Variants in THADA observed in about 807,000 individuals in gnomAD.
THADA encodes the protein THADA armadillo repeat containing, also known as tRNA (32-2'-O)-methyltransferase regulator THADA.
In THADA, 213 loss-of-function variants were observed where a neutral mutation model predicts 219.8. The observed-to-expected ratio is 0.97, with a 90% CI of 0.87 to 1.09. THADA has a LOEUF of 1.09. Ranked by LOEUF, THADA falls within the 50% of genes least tolerant of loss-of-function variation. The probability of loss-of-function intolerance (pLI) is 0.00; values close to 1 mark genes in which losing one functional copy is unlikely to be tolerated. For missense variants in THADA, 2,956 were observed against 2,311.3 expected (o/e 1.28, Z -5.72); for synonymous variants, 1,018 against 828.9 (o/e 1.23, Z -3.92).
At position 43,574,641 on chromosome 2, in the gene THADA, T is replaced by C. The variant is rs925305767; in HGVS notation, c.1424A>G (p.Lys475Arg). 2 of 1,613,856 alleles carry C rather than the reference T, an allele frequency of 1.2e-6. No individual in the cohort carries two copies. Among genetic ancestry groups the C allele is most frequent in the African/African-American group, 2.7e-5 (2 of 74,924 alleles). Residue 475 changes from lysine to arginine, a missense_variant, in exon 11 of 38, where the codon AAA (lysine) becomes AGA (arginine). By Grantham distance (26) the Lys-to-Arg change is conservative. Transcript: ENST00000405975. ...IGVEHILAIDKTIPSQILEVM... is the reference protein window; with the variant it reads ...IGVEHILAIDRTIPSQILEVM... ...CTCTAAGATTTGAGATGGAATAGTT[T>C]TATCTATAGCCAAAATATGTTCAAC...
rs1221241450 is a variant in THADA at position 43,570,577 on chromosome 2, C to G, written c.2065-67G>C. The G allele has an allele frequency of 2.0e-6, 3 of 1,501,252 alleles. No individual in the cohort carries two copies. In the African/African-American group the frequency reaches 4.2e-5, roughly 21 times the overall value. 93.0% of individuals were successfully genotyped at this position (1,501,252 alleles called of 1,614,324 possible). A position where few individuals can be genotyped will look rare whatever the true frequency, so the allele number is the denominator to read the frequency against. ...TAAATTTAAATGTCAGCCTGAGAGG[C>G]AAATTATTTAGAATAAAACTTCAGG... On this transcript the variant is annotated intron_variant, in intron 13 of 37. Coordinates refer to ENST00000405975, the MANE Select transcript of THADA (RefSeq NM_022065.5).
At chr2:43,415,981 T>C (rs1164596600) in intron 28 of THADA, among the ~76,000 whole-genome samples, 5 of 152,336 alleles carry the variant, frequency 3.3e-5, no homozygotes, top group East Asian at 1.9e-4. Flanking sequence ...GGGGGGATAA[T>C]AAATGATTGA....
intron 14 of THADA, among the ~76,000 whole-genome samples, chr2:43,567,575 C>G (rs771334898): frequency 6.6e-6 from 1 of 152,102 alleles, no homozygotes; most frequent in Non-Finnish European, 1.5e-5. Context: ...TGCAGTGAGC[C>G]AAGATCACGC....
At chr2:43,332,888 G>C (rs1218641626) in intron 30 of THADA, among the ~76,000 whole-genome samples, 1 of 152,156 alleles carries the variant, frequency 6.6e-6, no homozygotes, top group African/African-American at 2.4e-5. Context: ...TGAATTCTTG[G>C]TGTGTGTGCA....
chr2:43,533,438 ACATATGTTTAC>A (rs1156610232), intron 21 of THADA, among the ~76,000 whole-genome samples: 2 of 151,420 alleles, frequency 1.3e-5, no homozygotes, highest in African/African-American at 4.8e-5. Context: ...ACACATGCAC[ACATATGTTTAC>A]TGCAGCACCA....
intron 17 of THADA, among the ~76,000 whole-genome samples, chr2:43,555,222 C>T (rs1370776575): frequency 6.6e-6 from 1 of 151,138 alleles, no homozygotes; most frequent in East Asian, 1.9e-4. Context: ...ATAATATATA[C>T]ACCAGAGGCA....
chr2:43,438,354 A>G (rs923783749), intron 26 of THADA, among the ~76,000 whole-genome samples: 2 of 151,968 alleles, frequency 1.3e-5, no homozygotes, highest in African/African-American at 4.8e-5. Flanking sequence ...TATACCCTCA[A>G]ATTGGCAAAG....
rs141114958 is a variant in THADA, at chr2:43,440,141, C to T, written c.3837-9839G>A. Among the ~76,000 whole-genome samples the T allele has an allele frequency of 3.3e-3, 500 of 152,248 alleles. 2 individuals are homozygous for T. Among genetic ancestry groups the T allele is most frequent in the African/African-American group, 0.011 (477 of 41,554 alleles). On this transcript the variant is annotated intron_variant, in intron 26 of 37. Coordinates refer to ENST00000405975, the MANE Select transcript of THADA (RefSeq NM_022065.5). ...TTCAGCTTTCCTATTTTAAAAAATT[C>T]AGTGCATACAGGTATATACTTTTAG...
intron 34 of THADA, among the ~76,000 whole-genome samples, chr2:43,291,279 G>A (rs967122872): frequency 5.3e-5 from 8 of 151,260 alleles, no homozygotes; most frequent in Non-Finnish European, 7.4e-5. Context: ...GTGAAACCCC[G>A]CCTCTACTAA....
rs1201310911 is a variant in THADA at position 43,293,146 on chromosome 2, T to A, written c.4506A>T (p.Gly1502=). The stretch of plus-strand genomic sequence containing the variant: ...CTGGCACCTTGAAGGCCCAAGGGAA[T>A]CCCGTTATCAGCTCTGATCCTGAGA... ...GIISGSELIT[G]FPWAFKVPGL... Residue 1502 remains glycine, a synonymous_variant, in exon 32 of 38, where the codon GGA becomes GGT. Transcript: ENST00000405975. 1.2e-6 allele frequency: 2 copies of A among 1,613,928 alleles called. No homozygotes were observed. Among genetic ancestry groups the A allele is most frequent in the Non-Finnish European group, 1.7e-6 (2 of 1,179,884 alleles).
At chr2:43,287,799 T>A (rs933680148) in intron 34 of THADA, among the ~76,000 whole-genome samples, 3 of 152,204 alleles carry the variant, frequency 2.0e-5, no homozygotes, top group Non-Finnish European at 4.4e-5. Context: ...CATGTCCCAG[T>A]CTCTCTTGCT....
intron 34 of THADA, among the ~76,000 whole-genome samples, chr2:43,289,966 TTTTG>T (rs1674495230): frequency 8.0e-6 from 1 of 124,450 alleles, no homozygotes; most frequent in Non-Finnish European, 1.6e-5. Context: ...GGTGTTTTTT[TTTTG>T]TTTTTGTTTT....
At chr2:43,241,252 C>T (rs1558453790) in intron 36 of THADA, among the ~76,000 whole-genome samples, 1 of 151,876 alleles carries the variant, frequency 6.6e-6, no homozygotes, top group Non-Finnish European at 1.5e-5. Context: ...CCATGTCCCC[C>T]CTAATTTTTG....
At position 43,320,450 on chromosome 2, in the gene THADA, C is replaced by T. The variant is rs371006127; in HGVS notation, c.4434G>A (p.Gln1478=). The T allele has an allele frequency of 2.6e-4, 414 of 1,610,606 alleles. No individual in the cohort carries two copies. The highest frequency in any genetic ancestry group is 3.2e-4 in the Non-Finnish European group (372 of 1,177,646). ...CAGTATAACTATGAATCATACCTGG[C>T]TGGTTGTCCTTTGCAGATCTGTTGA... is the stretch of plus-strand genomic sequence containing the variant. ...CCLNRSAKDN[Q]PVLESLGFWE... Residue 1478 remains glutamine (Q), a synonymous_variant, in exon 31 of 38, where the codon CAG becomes CAA. Coordinates refer to ENST00000405975, the MANE Select transcript of THADA (RefSeq NM_022065.5).
At chr2:43,246,883 T>C (rs1220200051) in intron 36 of THADA, among the ~76,000 whole-genome samples, 2 of 151,828 alleles carry the variant, frequency 1.3e-5, no homozygotes, top group South Asian at 4.2e-4. Flanking sequence ...TGACGCTGAG[T>C]GTGGAGAAGC....
intron 21 of THADA, among the ~76,000 whole-genome samples, chr2:43,528,483 T>C (rs1182090081): frequency 6.6e-6 from 1 of 152,124 alleles, no homozygotes; most frequent in Non-Finnish European, 1.5e-5. Context: ...AGTAATTCCA[T>C]GAAATAAGTA....
At chr2:43,273,104 C>G (rs1672310375) in intron 36 of THADA, among the ~76,000 whole-genome samples, 1 of 151,890 alleles carries the variant, frequency 6.6e-6, no homozygotes, top group South Asian at 2.1e-4. Flanking sequence ...CCAAAATAAG[C>G]CAGCCATGGT....
chr2:43,509,416 T>G (rs892679120), intron 22 of THADA, among the ~76,000 whole-genome samples: 2 of 152,250 alleles, frequency 1.3e-5, no homozygotes, highest in African/African-American at 4.8e-5. Flanking sequence ...TTTAAATGTA[T>G]GCCCTACTAG....
chr2:43,279,749 G>A lies in THADA; in HGVS notation c.5296+16C>T. ...CTGCAGCGATAAGACAATGCAAAAG[G>A]ATAAGAACGAGGTACCTGTTGACTG... On this transcript the variant is annotated intron_variant, in intron 36 of 37. Transcript: ENST00000405975. The A allele has an allele frequency of 6.5e-7, 1 of 1,545,282 alleles. No homozygotes were observed.
Sources: allele counts gnomAD v4.1 joint callset (sites outside exome capture counted in the v4.1 genomes callset), GRCh38; gene constraint gnomAD v4.1.1; transcripts MANE v1.5; gene names NCBI Gene and HGNC (gene_info 2026-07-23, HGNC 2026-07-21).